Variants in ARSG observed in about 807,000 individuals in gnomAD.
ARSG encodes the protein arylsulfatase G.
A neutral mutation model predicts 50.5 loss-of-function variants in ARSG; 37 were observed. The ratio of observed to expected loss-of-function variants is 0.73; its 90% CI spans 0.56 to 0.96. The LOEUF (loss-of-function observed/expected upper bound fraction) is 0.96, where lower values mean the gene tolerates loss of function less well. ARSG is among the 50% of genes least tolerant of loss of function. ARSG has a pLI of 0.00. For missense variants in ARSG, 629 were observed against 675.3 expected, an observed-to-expected ratio of 0.93 and a Z score of 0.76; for synonymous variants, 225 against 254.6, an observed-to-expected ratio of 0.88 and a Z score of 1.11.
At chr17:68,422,163 C>T (rs151072758), downstream of ARSG, 2,480 of 226,064 alleles carry the variant, frequency 0.011, 66 homozygotes, top group African/African-American at 0.053. Context: ...CGCGGTGGCT[C>T]ACGCCTGTAA....
At chr17:68,447,984 C>CA in the ARSG span, among the ~76,000 whole-genome samples, 523 of 80,148 alleles carry the variant, frequency 6.5e-3, 6 homozygotes, top group South Asian at 0.013. Context: ...GACTCTATCT[C>CA]AAAAAAAAAA....
At chr17:68,369,495 G>A (rs550650417) in intron 7 of ARSG, among the ~76,000 whole-genome samples, 2 of 151,938 alleles carry the variant, frequency 1.3e-5, no homozygotes, top group East Asian at 1.9e-4. Flanking sequence ...AGCTGAGATC[G>A]TGTCACTGCA....
rs139312372 is a variant in ARSG at position 68,366,437 on chromosome 17, C to T, written c.705-2111C>T. Among the ~76,000 whole-genome samples the T allele has an allele frequency of 1.6e-3, 250 of 152,236 alleles. 2 individuals carry two copies. Among genetic ancestry groups the T allele is most frequent in the African/African-American group, 5.3e-3 (222 of 41,532 alleles). On this transcript the variant is annotated intron_variant, in intron 6 of 11. Transcript: ENST00000621439. ...GCACTGCCCTGTGCAGGGTAACCAGCCAGTAGATTGTAAGCTGGAAATAAG... is the reference window on the plus strand; with the variant it reads ...GCACTGCCCTGTGCAGGGTAACCAGTCAGTAGATTGTAAGCTGGAAATAAG...
chr17:68,273,047 A>G (rs1337804361), intron 1 of ARSG, among the ~76,000 whole-genome samples: 1 of 151,746 alleles, frequency 6.6e-6, no homozygotes, highest in Non-Finnish European at 1.5e-5. Context: ...AATGGATGAA[A>G]CTATTATTGC....
rs1555764617 is a variant in ARSG, at chr17:68,307,451, G to A, written c.-43G>A. On this transcript the variant is annotated 5_prime_UTR_variant, in exon 2 of 12. Transcript: ENST00000621439. ...AGCTCTCAGAAAAATCTCTAGTGGT[G>A]GCTGCCGTCGCTCCAGACAATCGGA... The A allele has an allele frequency of 2.7e-6, 4 of 1,504,966 alleles. No individual in the cohort carries two copies. The highest frequency in any genetic ancestry group is 2.8e-5 in the African/African-American group (2 of 72,056). The allele number at this position is 1,504,966 out of a possible 1,614,324, so 93.2% of individuals were successfully genotyped here.
At chr17:68,298,068 A>G (rs553475567) in intron 1 of ARSG, among the ~76,000 whole-genome samples, 5 of 151,196 alleles carry the variant, frequency 3.3e-5, no homozygotes, top group African/African-American at 1.2e-4. Flanking sequence ...TCTGTAACAT[A>G]TCCATGGTCA....
intron 1 of ARSG, among the ~76,000 whole-genome samples, chr17:68,262,421 A>G (rs1419521921): frequency 2.0e-5 from 3 of 152,180 alleles, no homozygotes; most frequent in African/African-American, 7.2e-5. Context: ...CAGTGAGCCA[A>G]GATTGCACCA....
intron 3 of ARSG, chr17:68,346,717 T>G (rs1027089226): frequency 8.1e-7 from 1 of 1,238,390 alleles, no homozygotes; most frequent in African/African-American, 1.6e-5. Context: ...AAGCGGGCAT[T>G]TCTGAGACGA....
chr17:68,428,323 G>A, the ARSG span: 64 of 158,220 alleles, frequency 4.0e-4, no homozygotes, highest in East Asian at 0.011. Flanking sequence ...AACCTCTCCA[G>A]GCTCAGGTGA....
intron 11 of ARSG, among the ~76,000 whole-genome samples, chr17:68,413,310 CCTTT>C (rs2147405592): frequency 6.6e-6 from 1 of 152,210 alleles, no homozygotes; most frequent in South Asian, 2.1e-4. Context: ...GTGTGGATGT[CCTTT>C]CTGTTTGTTA....
At chr17:68,321,390 C>T (rs1046621927) in intron 2 of ARSG, among the ~76,000 whole-genome samples, 5 of 152,168 alleles carry the variant, frequency 3.3e-5, no homozygotes, top group Non-Finnish European at 5.9e-5. Flanking sequence ...AATGTGGAGG[C>T]TGGGCTGAGC....
chr17:68,270,949 A>T, intron 1 of ARSG: 4 of 1,614,214 alleles, frequency 2.5e-6, no homozygotes, highest in Non-Finnish European at 3.4e-6. Flanking sequence ...AAGCAGTGGA[A>T]TGTGAGTCCC....
chr17:68,426,254 GCTCAAATAA>G, downstream of ARSG: 1 of 816,922 alleles, frequency 1.2e-6, no homozygotes, highest in Non-Finnish European at 1.9e-6. Context: ...GGGAGCGGGG[GCTCAAATAA>G]AGGGCAAAGG....
chr17:68,350,066 G>A (rs769126240), intron 4 of ARSG, among the ~76,000 whole-genome samples: 2 of 152,152 alleles, frequency 1.3e-5, no homozygotes, highest in South Asian at 2.1e-4. Context: ...TGTGGCAGGC[G>A]GGATGCAGTG....
chr17:68,260,580 C>T (rs1183866216), intron 1 of ARSG, among the ~76,000 whole-genome samples: 1 of 152,190 alleles, frequency 6.6e-6, no homozygotes, highest in Non-Finnish European at 1.5e-5. Context: ...CTCCACCTCC[C>T]GTGGTCAAGT....
intron 2 of ARSG, among the ~76,000 whole-genome samples, chr17:68,331,544 C>G (rs1428620488): frequency 6.6e-6 from 1 of 151,954 alleles, no homozygotes; most frequent in Non-Finnish European, 1.5e-5. Flanking sequence ...GCGCCTGGTG[C>G]AAAGGCAAGG....
chr17:68,450,916 G>A, the ARSG span: 9 of 1,606,664 alleles, frequency 5.6e-6, no homozygotes, highest in African/African-American at 1.3e-5. Context: ...AAAAGCAGCC[G>A]GGAGGTTACA....
chr17:68,287,752 C>T (rs782220888), upstream of ARSG, among the ~76,000 whole-genome samples: 19 of 151,964 alleles, frequency 1.3e-4, no homozygotes, highest in Non-Finnish European at 2.5e-4. Flanking sequence ...AAGATAAGAC[C>T]ACAATATAAA....
At position 68,304,650 on chromosome 17, in the gene ARSG, C is replaced by G. The variant is rs554350809; in HGVS notation, c.-551-2293C>G. ...CACAGTGGTTCTCCTTTAATCTGCT[C>G]CATACACTGGATGTTCAACTGAAGC... On this transcript the variant is annotated intron_variant, in intron 1 of 11. Transcript: ENST00000621439. 1.2e-4 allele frequency among the ~76,000 whole-genome samples: 18 copies of G among 152,274 alleles called. 1 individual carries two copies. The highest frequency in any genetic ancestry group is 4.1e-4 in the African/African-American group (17 of 41,550).
Sources: allele counts gnomAD v4.1 joint callset (sites outside exome capture counted in the v4.1 genomes callset), GRCh38; gene constraint gnomAD v4.1.1; transcripts MANE v1.5; gene names NCBI Gene and HGNC (gene_info 2026-07-23, HGNC 2026-07-21).